The following BANK1 variants were observed in gnomAD, a reference collection of about 807,000 sequenced individuals.
BANK1 encodes B cell scaffold protein with ankyrin repeats 1.
A neutral mutation model predicts 94.5 loss-of-function variants in BANK1; 95 were observed. The observed-to-expected ratio is 1.00, with a 90% confidence interval of 0.85 to 1.19. BANK1 has a LOEUF of 1.19. Ranked by LOEUF, BANK1 falls within the 50% of genes most tolerant of loss-of-function variation. The pLI is 0.00. For synonymous variants in BANK1, 334 were observed against 308.4 expected (o/e 1.08, Z -0.87); for missense variants, 987 against 932.2 (o/e 1.06, Z -0.77).
chr4:101,897,703 G>A (rs1422173277), intron 6 of BANK1, among the ~76,000 whole-genome samples: 1 of 151,952 alleles, frequency 6.6e-6, no homozygotes, highest in Non-Finnish European at 1.5e-5. Flanking sequence ...CTATGTCCAA[G>A]CCATACCCTA....
At chr4:101,819,447 G>A (rs12641144) in intron 1 of BANK1, among the ~76,000 whole-genome samples, 13,780 of 151,928 alleles carry the variant, frequency 0.091, 1,667 homozygotes, top group African/African-American at 0.27. Context: ...CCCCAAACAA[G>A]AATTGTTTTG....
rs370772973 is a variant in BANK1 at position 102,069,863 on chromosome 4, A to G, written c.2213-1412A>G. Among the ~76,000 whole-genome samples the G allele has an allele frequency of 3.9e-5, 6 of 152,330 alleles. No homozygotes were observed. The South Asian group carries it at 1.2e-3, about 32-fold the overall frequency. ...ACATACTGAGTGAAAGATAACAGAT[A>G]AAAAGGATGGATCAGACACAAGGGA... is the stretch of plus-strand genomic sequence containing the variant. On this transcript the variant is annotated intron_variant, in intron 13 of 16. Transcript: ENST00000322953.
At chr4:101,940,170 T>C (rs1256288117) in intron 7 of BANK1, among the ~76,000 whole-genome samples, 1 of 151,668 alleles carries the variant, frequency 6.6e-6, no homozygotes, top group Non-Finnish European at 1.5e-5. Context: ...TCTAGATAAA[T>C]GAATATAATT....
intron 7 of BANK1, among the ~76,000 whole-genome samples, chr4:102,007,080 A>T (rs1726294815): frequency 9.1e-6 from 1 of 110,062 alleles, no homozygotes; most frequent in African/African-American, 3.3e-5. Context: ...ATATATATAT[A>T]AATATATATA....
chr4:101,909,784 A>G (rs1454209110), intron 6 of BANK1, among the ~76,000 whole-genome samples: 2 of 152,238 alleles, frequency 1.3e-5, no homozygotes, highest in East Asian at 1.9e-4. Context: ...CTAAATATAT[A>G]TAATTTTTAT....
At chr4:102,012,000 A>C (rs1726527195) in intron 7 of BANK1, among the ~76,000 whole-genome samples, 1 of 152,214 alleles carries the variant, frequency 6.6e-6, no homozygotes, top group African/African-American at 2.4e-5. Flanking sequence ...GATGGCTTTT[A>C]ATAAGGAAAA....
chr4:101,940,280 G>GT (rs920948136), intron 7 of BANK1, among the ~76,000 whole-genome samples: 1 of 150,732 alleles, frequency 6.6e-6, no homozygotes, highest in African/African-American at 2.4e-5. Flanking sequence ...AAGTCATTAA[G>GT]TTTTTTAAAA....
chr4:102,022,653 A>G (rs910105514), intron 8 of BANK1, among the ~76,000 whole-genome samples: 1 of 152,114 alleles, frequency 6.6e-6, no homozygotes, highest in Non-Finnish European at 1.5e-5. Context: ...AATGTATAGG[A>G]CGCCTTCAAT....
At chr4:101,980,032 A>C (rs1378671382) in intron 7 of BANK1, among the ~76,000 whole-genome samples, 1 of 151,816 alleles carries the variant, frequency 6.6e-6, no homozygotes, top group Non-Finnish European at 1.5e-5. Context: ...ATTTTGAAAA[A>C]TTCTCTAGAT....
chr4:101,837,805 G>T (rs1008660602), intron 2 of BANK1, among the ~76,000 whole-genome samples: 3 of 152,116 alleles, frequency 2.0e-5, no homozygotes, highest in South Asian at 2.1e-4. Flanking sequence ...AATAAAATAA[G>T]ATAAAGACAT....
rs1471895111 is a variant in BANK1 at position 102,039,655 on chromosome 4, T to C, written c.1901-4184T>C. Among the ~76,000 whole-genome samples the C allele has an allele frequency of 1.3e-5, 2 of 152,062 alleles. 1 individual carries two copies. Among genetic ancestry groups the C allele is most frequent in the Non-Finnish European group, 2.9e-5 (2 of 67,976 alleles). On this transcript the variant is annotated intron_variant, in intron 10 of 16. Transcript: ENST00000322953. Reference sequence around the variant, plus strand: ...CTTATCAGTAAGCAGTAATGGCACATTTGACCTTTATTTAAATGAACACAC... The same window carrying C: ...CTTATCAGTAAGCAGTAATGGCACACTTGACCTTTATTTAAATGAACACAC...
chr4:102,060,192 C>T lies in BANK1; in HGVS notation c.1970-19C>T. 6.5e-7 allele frequency: 1 copy of T among 1,544,040 alleles called. No individual in the cohort carries two copies. The highest frequency in any genetic ancestry group is 8.7e-7 in the Non-Finnish European group (1 of 1,154,656). ...TACACCTGGACTTTCTGTTAATGCA[C>T]CCTCCCCTTGTATTTTAGACAGAGC... On this transcript the variant is annotated intron_variant, in intron 11 of 16. Transcript: ENST00000322953.
intron 7 of BANK1, among the ~76,000 whole-genome samples, chr4:101,950,108 C>A (rs1254187806): frequency 6.6e-6 from 1 of 151,618 alleles, no homozygotes; most frequent in East Asian, 2.0e-4. Flanking sequence ...TAAGAAATAT[C>A]ATTTCTGGTG....
At chr4:102,011,391 G>A (rs1726507231) in intron 7 of BANK1, among the ~76,000 whole-genome samples, 1 of 152,188 alleles carries the variant, frequency 6.6e-6, no homozygotes, top group African/African-American at 2.4e-5. Context: ...TAAATCACTT[G>A]AAGTTTTAAA....
intron 1 of BANK1, among the ~76,000 whole-genome samples, chr4:101,795,127 C>G (rs1451265838): frequency 2.6e-5 from 4 of 151,796 alleles, no homozygotes; most frequent in Non-Finnish European, 5.9e-5. Flanking sequence ...TATTCTCATT[C>G]CTTTTTTGTT....
At chr4:101,837,962 CTTTCTCTTCTT>C (rs1266292024) in intron 2 of BANK1, among the ~76,000 whole-genome samples, 1 of 144,684 alleles carries the variant, frequency 6.9e-6, no homozygotes, top group African/African-American at 2.7e-5. Flanking sequence ...TCTCTCTTCT[CTTTCTCTTCTT>C]TTTTGAGACA....
intron 1 of BANK1, among the ~76,000 whole-genome samples, chr4:101,823,284 C>A (rs1726242488): frequency 6.6e-6 from 1 of 152,074 alleles, no homozygotes; most frequent in Non-Finnish European, 1.5e-5. Flanking sequence ...TCTTTTAATT[C>A]CCATTCCAAT....
chr4:102,072,069 T>C (rs1032886264), intron 14 of BANK1, among the ~76,000 whole-genome samples: 3 of 152,176 alleles, frequency 2.0e-5, no homozygotes, highest in Non-Finnish European at 4.4e-5. Context: ...AGTAATCAAG[T>C]GGAGGTTGTT....
intron 2 of BANK1, among the ~76,000 whole-genome samples, chr4:101,851,334 C>A (rs956644919): frequency 5.9e-5 from 9 of 152,076 alleles, no homozygotes; most frequent in African/African-American, 2.2e-4. Context: ...AAAGTACTGT[C>A]CTTGAGATAT....
Sources: allele counts gnomAD v4.1 joint callset (sites outside exome capture counted in the v4.1 genomes callset), GRCh38; gene constraint gnomAD v4.1.1; transcripts MANE v1.5; gene names NCBI Gene and HGNC (gene_info 2026-07-23, HGNC 2026-07-21).